Variants in AOPEP observed in about 807,000 individuals in gnomAD.
AOPEP encodes the protein aminopeptidase O.
In AOPEP, 77 loss-of-function variants were observed where a neutral mutation model predicts 98.1. The ratio of observed to expected loss-of-function variants is 0.78; its 90% CI spans 0.65 to 0.95. The LOEUF (loss-of-function observed/expected upper bound fraction) is 0.95, where lower values mean the gene tolerates loss of function less well. AOPEP is among the 40% of genes least tolerant of loss of function. The pLI, the probability that AOPEP is intolerant of heterozygous loss-of-function variation, is 0.00. For synonymous variants in AOPEP, 346 were observed against 365.3 expected (o/e 0.95, Z 0.60); for missense variants, 1,024 against 1,024.7 (o/e 1.00, Z 0.01).
At chr9:94,912,378 G>T (rs775880339) in intron 5 of AOPEP, among the ~76,000 whole-genome samples, 1 of 152,090 alleles carries the variant, frequency 6.6e-6, no homozygotes, top group African/African-American at 2.4e-5. Context: ...ACTCTGACTT[G>T]CCCAGCCCCC....
chr9:94,744,546 C>G (rs368120028), intron 1 of AOPEP, among the ~76,000 whole-genome samples: 2 of 151,180 alleles, frequency 1.3e-5, no homozygotes, highest in African/African-American at 4.9e-5. Flanking sequence ...AGTAAAAATA[C>G]AAAAATTAGC....
chr9:94,906,775 C>T (rs1389657200), intron 5 of AOPEP, among the ~76,000 whole-genome samples: 1 of 152,202 alleles, frequency 6.6e-6, no homozygotes, highest in Non-Finnish European at 1.5e-5. Flanking sequence ...GTATCCCAAG[C>T]CCCCAGGACA....
At chr9:94,801,550 T>C (rs1848221489) in intron 5 of AOPEP, among the ~76,000 whole-genome samples, 1 of 152,222 alleles carries the variant, frequency 6.6e-6, no homozygotes, top group African/African-American at 2.4e-5. Context: ...TCAAAGCAGA[T>C]GGCTTACTGT....
At chr9:95,121,492 T>C in the AOPEP span, among the ~76,000 whole-genome samples, 1 of 152,204 alleles carries the variant, frequency 6.6e-6, no homozygotes, top group South Asian at 2.1e-4. Flanking sequence ...AGTTGAACTT[T>C]TGTATTCCAA....
At chr9:95,045,502 C>T (rs142375881) in intron 13 of AOPEP, among the ~76,000 whole-genome samples, 6 of 152,354 alleles carry the variant, frequency 3.9e-5, no homozygotes, top group African/African-American at 1.4e-4. Context: ...CTAAAGCCTT[C>T]TTGTTCCGGT....
At chr9:94,970,558 G>T (rs891335958) in intron 10 of AOPEP, among the ~76,000 whole-genome samples, 3 of 151,172 alleles carry the variant, frequency 2.0e-5, no homozygotes, top group Non-Finnish European at 4.4e-5. Flanking sequence ...CAGGGAGATT[G>T]CGTGGGGCCT....
At chr9:95,041,791 G>A (rs1216825032) in intron 13 of AOPEP, among the ~76,000 whole-genome samples, 1 of 151,906 alleles carries the variant, frequency 6.6e-6, no homozygotes, top group Non-Finnish European at 1.5e-5. Flanking sequence ...CCTCCGTGGC[G>A]CTATAAAAGC....
chr9:95,084,000 T>C (rs2070252126), intron 16 of AOPEP, among the ~76,000 whole-genome samples: 1 of 152,260 alleles, frequency 6.6e-6, no homozygotes, highest in African/African-American at 2.4e-5. Flanking sequence ...AAGGTTTTGT[T>C]AGGATAGCTG....
At chr9:95,008,554 T>C (rs1200623309) in intron 13 of AOPEP, among the ~76,000 whole-genome samples, 8 of 152,180 alleles carry the variant, frequency 5.3e-5, no homozygotes, top group Non-Finnish European at 1.2e-4. Context: ...TAGTTGAGTT[T>C]TTCAGTGAAC....
intron 14 of AOPEP, among the ~76,000 whole-genome samples, chr9:95,077,913 CAGGAACTATCTGG>C (rs2069260813): frequency 6.6e-6 from 1 of 152,122 alleles, no homozygotes; most frequent in South Asian, 2.1e-4. Context: ...TGCGCGTGAG[CAGGAACTATCTGG>C]CCTGCCCAGC....
intron 14 of AOPEP, among the ~76,000 whole-genome samples, chr9:95,078,417 A>G (rs905722626): frequency 2.0e-5 from 3 of 152,240 alleles, no homozygotes; most frequent in Non-Finnish European, 4.4e-5. Context: ...ATGTCCTCCA[A>G]GTTTTAGAGT....
At chr9:94,812,711 G>C (rs1280728684) in intron 5 of AOPEP, among the ~76,000 whole-genome samples, 1 of 152,128 alleles carries the variant, frequency 6.6e-6, no homozygotes, top group Non-Finnish European at 1.5e-5. Context: ...GGGTCTCTGA[G>C]CCTTCAAATA....
intron 11 of AOPEP, among the ~76,000 whole-genome samples, chr9:94,985,940 A>G (rs2060488214): frequency 6.6e-6 from 1 of 152,272 alleles, no homozygotes; most frequent in African/African-American, 2.4e-5. Flanking sequence ...GCTCAGCAGA[A>G]TCACAAGACA....
chr9:95,008,204 GC>G (rs748238504), intron 13 of AOPEP, among the ~76,000 whole-genome samples: 7 of 152,074 alleles, frequency 4.6e-5, no homozygotes, highest in Non-Finnish European at 5.9e-5. Context: ...CATTGCCCTT[GC>G]CTCCAGCCCC....
At chr9:94,963,587 T>C (rs1300798675) in intron 9 of AOPEP, among the ~76,000 whole-genome samples, 2 of 152,104 alleles carry the variant, frequency 1.3e-5, no homozygotes, top group Non-Finnish European at 2.9e-5. Flanking sequence ...AATAAATCTA[T>C]TGTTTTATCA....
rs1011421830 is a variant in AOPEP at position 94,977,477 on chromosome 9, A to G, written c.1917-1890A>G. ...AGCCCCACTGCTCTGGCAAATTGCTACTGCCCATTAAGGGAATCTCCAGCC... is the reference window on the plus strand; with the variant it reads ...AGCCCCACTGCTCTGGCAAATTGCTGCTGCCCATTAAGGGAATCTCCAGCC... On this transcript the variant is annotated intron_variant, in intron 10 of 16. Coordinates refer to ENST00000375315, the MANE Select transcript of AOPEP (RefSeq NM_001193329.3). Among the ~76,000 whole-genome samples, 6 of 152,230 alleles carry G rather than the reference A, an allele frequency of 3.9e-5. No homozygotes were observed. In the South Asian group the frequency reaches 1.0e-3, roughly 26 times the overall value.
intron 2 of AOPEP, among the ~76,000 whole-genome samples, chr9:94,771,666 A>T (rs1840913521): frequency 6.6e-6 from 1 of 152,004 alleles, no homozygotes; most frequent in Non-Finnish European, 1.5e-5. Flanking sequence ...TACTTCTGTA[A>T]CGTATTTCTC....
chr9:94,907,608 C>G (rs1343678787), intron 5 of AOPEP, among the ~76,000 whole-genome samples: 4 of 151,688 alleles, frequency 2.6e-5, no homozygotes, highest in Non-Finnish European at 5.9e-5. Context: ...ACACCCTCCC[C>G]CACACCAGTC....
intron 2 of AOPEP, among the ~76,000 whole-genome samples, chr9:94,764,225 TAC>T (rs1839050934): frequency 6.6e-6 from 1 of 152,218 alleles, no homozygotes; most frequent in Non-Finnish European, 1.5e-5. Context: ...AAGCATCAGA[TAC>T]ATCCCAGTCA....
Sources: gnomAD v4.1 joint callset for allele counts (sites outside exome capture counted in the v4.1 genomes callset) on GRCh38, gnomAD v4.1.1 for gene constraint, MANE v1.5 for transcripts, NCBI Gene and HGNC (gene_info 2026-07-23, HGNC 2026-07-21) for gene names.